Variants in IGF1R observed in about 807,000 individuals in gnomAD.
The protein encoded by IGF1R is insulin like growth factor 1 receptor.
A neutral mutation model predicts 144.6 loss-of-function variants in IGF1R; 44 were observed. The observed-to-expected ratio is 0.30, with a 90% CI of 0.24 to 0.39. The LOEUF (loss-of-function observed/expected upper bound fraction) is 0.39, where lower values mean the gene tolerates loss of function less well. Ranked by LOEUF, IGF1R falls within the 10% of genes least tolerant of loss-of-function variation. IGF1R has a pLI of 1.00. For missense variants in IGF1R, 1,355 were observed against 1,833.7 expected (o/e 0.74, Z 4.77); for synonymous variants, 795 against 722.8 (o/e 1.10, Z -1.60).
chr15:98,880,083 T>TA (rs1171567221), intron 2 of IGF1R, among the ~76,000 whole-genome samples: 1 of 152,176 alleles, frequency 6.6e-6, no homozygotes, highest in Non-Finnish European at 1.5e-5. Flanking sequence ...TACTAAAAGC[T>TA]ACCAAATTGT....
Position 98,962,378 on chromosome 15 carries a change from T to C in IGF1R, c.*4936T>C, listed in dbSNP as rs141468395. On this transcript the variant is annotated 3_prime_UTR_variant, in exon 21 of 21. Coordinates refer to ENST00000650285, the MANE Select transcript of IGF1R (RefSeq NM_000875.5). ...TCTTCATTTCCTGGGCTAAGCAGCA[T>C]TGGGAGATGTGGACCAGAGATCCAC... 15 of 233,602 alleles carry C rather than the reference T, an allele frequency of 6.4e-5. No homozygotes were observed. The highest frequency in any genetic ancestry group is 5.4e-4 in the South Asian group (3 of 5,522). The allele number at this position is 233,602 out of a possible 1,614,324, so 14.5% of individuals were successfully genotyped here.
chr15:98,804,536 C>T (rs1055268781), intron 2 of IGF1R, among the ~76,000 whole-genome samples: 30 of 152,080 alleles, frequency 2.0e-4, no homozygotes, highest in Middle Eastern at 3.2e-3. Flanking sequence ...TGGGGATGCA[C>T]TCCAGAGAAA....
intron 2 of IGF1R, among the ~76,000 whole-genome samples, chr15:98,746,748 G>C (rs1367003408): frequency 2.0e-5 from 3 of 152,118 alleles, no homozygotes; most frequent in Non-Finnish European, 2.9e-5. Flanking sequence ...TTGCTTGTTT[G>C]GTTGTTGTGT....
At chr15:98,838,990 A>G (rs1259520150) in intron 2 of IGF1R, among the ~76,000 whole-genome samples, 3 of 152,244 alleles carry the variant, frequency 2.0e-5, no homozygotes, top group African/African-American at 7.2e-5. Context: ...GGGCAGGAGC[A>G]CTGGAAGGCT....
chr15:98,802,929 C>T, intron 2 of IGF1R, among the ~76,000 whole-genome samples: 1 of 152,010 alleles, frequency 6.6e-6, no homozygotes, highest in East Asian at 1.9e-4. Context: ...TAATTGTTTC[C>T]ATTTTAGGTT....
At chr15:98,723,895 T>C (rs570605978) in intron 2 of IGF1R, among the ~76,000 whole-genome samples, 1 of 152,334 alleles carries the variant, frequency 6.6e-6, no homozygotes, top group Admixed American at 6.5e-5. Context: ...ACTGAATGGA[T>C]TTGATTCTCT....
intron 15 of IGF1R, among the ~76,000 whole-genome samples, chr15:98,933,194 T>C (rs889450255): frequency 4.6e-5 from 7 of 152,258 alleles, no homozygotes; most frequent in African/African-American, 9.6e-5. Flanking sequence ...ATGGATCTTA[T>C]GGAACAGGTT....
At chr15:98,807,581 T>C (rs2056497164) in intron 2 of IGF1R, among the ~76,000 whole-genome samples, 3 of 152,250 alleles carry the variant, frequency 2.0e-5, no homozygotes, top group African/African-American at 7.2e-5. Flanking sequence ...ATTTTATCCT[T>C]GTGCTGCCAT....
At chr15:98,916,467 G>T in intron 9 of IGF1R, 1 of 620,592 alleles carries the variant, frequency 1.6e-6, no homozygotes, top group South Asian at 1.8e-5. Context: ...TCACCATGTT[G>T]CCCAGGCTGG....
intron 1 of IGF1R, among the ~76,000 whole-genome samples, chr15:98,660,945 G>A (rs2052584581): frequency 6.6e-6 from 1 of 152,190 alleles, no homozygotes; most frequent in Non-Finnish European, 1.5e-5. Flanking sequence ...GAGTGGCCTG[G>A]TGCAGAGGGC....
At chr15:98,953,411 T>G (rs1294552613) in intron 20 of IGF1R, among the ~76,000 whole-genome samples, 3 of 152,158 alleles carry the variant, frequency 2.0e-5, no homozygotes, top group Non-Finnish European at 4.4e-5. Flanking sequence ...TTTAGATTGA[T>G]GACAAAGCCC....
At chr15:98,898,587 G>T (rs2014319130) in intron 4 of IGF1R, among the ~76,000 whole-genome samples, 1 of 152,170 alleles carries the variant, frequency 6.6e-6, no homozygotes, top group Non-Finnish European at 1.5e-5. Context: ...TAAATTAGAT[G>T]TAGGGCTTTA....
At chr15:98,826,304 A>T (rs141588068) in intron 2 of IGF1R, among the ~76,000 whole-genome samples, 95 of 152,362 alleles carry the variant, frequency 6.2e-4, no homozygotes, top group African/African-American at 2.2e-3. Flanking sequence ...GCTGTAGAAG[A>T]CTGAATGATA....
intron 2 of IGF1R, among the ~76,000 whole-genome samples, chr15:98,808,247 G>A (rs1238946142): frequency 6.6e-6 from 1 of 152,174 alleles, no homozygotes; most frequent in African/African-American, 2.4e-5. Flanking sequence ...GTTAGCCACC[G>A]AAGTAAATAA....
intron 2 of IGF1R, among the ~76,000 whole-genome samples, chr15:98,813,927 A>C (rs1339625275): frequency 6.6e-6 from 1 of 152,212 alleles, no homozygotes; most frequent in Non-Finnish European, 1.5e-5. Flanking sequence ...AGAAAATAAC[A>C]ATGACTGTCA....
chr15:98,664,945 T>C (rs976733190), intron 1 of IGF1R, among the ~76,000 whole-genome samples: 5 of 150,420 alleles, frequency 3.3e-5, no homozygotes, highest in African/African-American at 5.0e-5. Context: ...ACTGCAGAAT[T>C]AGGAACCAGC....
At chr15:98,778,087 G>T (rs1223155168) in intron 2 of IGF1R, among the ~76,000 whole-genome samples, 1 of 152,160 alleles carries the variant, frequency 6.6e-6, no homozygotes, top group Non-Finnish European at 1.5e-5. Flanking sequence ...TCTTTTAGGG[G>T]GTGAGGATAG....
chr15:98,949,379 CTTTT>C (rs5814914), intron 20 of IGF1R, among the ~76,000 whole-genome samples: 1 of 135,330 alleles, frequency 7.4e-6, no homozygotes, highest in Non-Finnish European at 1.6e-5. Flanking sequence ...TCTCACTGCA[CTTTT>C]TTTTTTTTTT....
At chr15:98,780,305 C>A (rs971991903) in intron 2 of IGF1R, among the ~76,000 whole-genome samples, 3 of 151,720 alleles carry the variant, frequency 2.0e-5, no homozygotes, top group African/African-American at 7.3e-5. Flanking sequence ...AATCCCAGTA[C>A]TTTGGGAGGC....
Sources: allele counts gnomAD v4.1 joint callset (sites outside exome capture counted in the v4.1 genomes callset), GRCh38; gene constraint gnomAD v4.1.1; transcripts MANE v1.5; gene names NCBI Gene and HGNC (gene_info 2026-07-23, HGNC 2026-07-21).